The following HDHD5 variants were observed in gnomAD, a reference collection of about 807,000 sequenced individuals.
HDHD5 encodes the protein haloacid dehalogenase-like hydrolase domain-containing 5.
HDHD5 carries 34 observed loss-of-function variants against 35.5 expected under a neutral mutation model. The observed-to-expected ratio is 0.96, with a 90% CI of 0.73 to 1.28. The LOEUF (loss-of-function observed/expected upper bound fraction) is 1.28, where lower values mean the gene tolerates loss of function less well. HDHD5 is among the 50% of genes most tolerant of loss of function. The pLI, the probability that HDHD5 is intolerant of heterozygous loss-of-function variation, is 0.00. For missense variants in HDHD5, 589 were observed against 560.2 expected, an observed-to-expected ratio of 1.05 and a Z score of -0.52; for synonymous variants, 248 against 240.6, an observed-to-expected ratio of 1.03 and a Z score of -0.29.
chr22:17,163,113 G>A (rs867349553), upstream of HDHD5, among the ~76,000 whole-genome samples: 3 of 152,286 alleles, frequency 2.0e-5, no homozygotes, highest in South Asian at 4.1e-4. Flanking sequence ...ATTATGTTTT[G>A]TACCGTCTGT....
chr22:17,143,288 T>A, intron 4 of HDHD5, 157 bp from the exon 5 acceptor site: 1 of 681,212 alleles, frequency 1.5e-6, no homozygotes, highest in Non-Finnish European at 2.3e-6. Context: ...TGGAGAGGAC[T>A]GAGAAAGATG....
chr22:17,156,806 A>C (rs1227608492), intron 1 of HDHD5, among the ~76,000 whole-genome samples: 1 of 150,404 alleles, frequency 6.6e-6, no homozygotes, highest in Non-Finnish European at 1.5e-5. Flanking sequence ...CTGGCTGGGC[A>C]CGGTGGCTCA....
At chr22:17,144,960 A>G (rs1601385365) in intron 4 of HDHD5, 64 bp downstream of exon 4, 1 of 1,570,292 alleles carries the variant, frequency 6.4e-7, no homozygotes, top group Non-Finnish European at 8.7e-7. Flanking sequence ...TCAGCGACAC[A>G]GCCAATGCAG....
At position 17,159,219 on chromosome 22, in the gene HDHD5, G is replaced by A. The variant is rs1470559379; in HGVS notation, c.33C>T (p.Gly11=). The A allele has an allele frequency of 8.4e-7, 1 of 1,189,678 alleles. No individual in the cohort carries two copies. The highest frequency in any genetic ancestry group is 1.0e-6 in the Non-Finnish European group (1 of 963,306). The allele number at this position is 1,189,678 out of a possible 1,614,324, so 73.7% of individuals were successfully genotyped here. ...CCCGCCAGCAAAGCCCACGCGCCGC[G>A]CCGAGCGCAGCCACACAGCCCCACG... The part of the protein sequence containing the change: MAAWGCVAAL[G]AARGLCWRAA... Residue 11 remains glycine, a synonymous_variant, in exon 1 of 8, where the codon GGC becomes GGT. Transcript: ENST00000336737.
upstream of HDHD5, among the ~76,000 whole-genome samples, chr22:17,160,186 A>T (rs985647953): frequency 2.6e-5 from 4 of 152,102 alleles, no homozygotes; most frequent in Non-Finnish European, 4.4e-5. Flanking sequence ...GCAGAGAGGG[A>T]GTCGAGGATA....
rs554241777 is a variant in HDHD5, at chr22:17,147,641, G to A, written c.443+807C>T. 1.1e-3 allele frequency among the ~76,000 whole-genome samples: 151 copies of A among 131,754 alleles called. 2 individuals carry two copies. The highest frequency in any genetic ancestry group is 3.4e-3 in the African/African-American group (118 of 34,914). The allele number at this position is 131,754 out of a possible 152,430, so 86.4% of individuals were successfully genotyped here. On this transcript the variant is annotated intron_variant, in intron 3 of 7. Coordinates refer to ENST00000336737, the MANE Select transcript of HDHD5 (RefSeq NM_033070.3). ...TACCGGCCTTCAATCACACGCCATC[G>A]CACACGCCCCACACCTGTGGCACAC...
chr22:17,164,647 G>A (rs1417209219), intron 1 of HDHD5, among the ~76,000 whole-genome samples: 2 of 152,184 alleles, frequency 1.3e-5, no homozygotes, highest in Non-Finnish European at 2.9e-5. Context: ...CCCTACAGGT[G>A]CACTTCCAAG....
upstream of HDHD5, among the ~76,000 whole-genome samples, chr22:17,164,127 T>C (rs1245240230): frequency 6.7e-6 from 1 of 149,814 alleles, no homozygotes; most frequent in African/African-American, 2.5e-5. Flanking sequence ...AGTCCGAGGC[T>C]GGGGAATCGC....
chr22:17,153,547 G>A (rs2061752372), intron 1 of HDHD5, among the ~76,000 whole-genome samples: 1 of 152,088 alleles, frequency 6.6e-6, no homozygotes. Context: ...CTAGAATGGG[G>A]GTCCTAACCT....
At chr22:17,154,534 G>T (rs1273379297) in intron 1 of HDHD5, among the ~76,000 whole-genome samples, 4 of 151,160 alleles carry the variant, frequency 2.6e-5, no homozygotes, top group Non-Finnish European at 5.9e-5. Flanking sequence ...AAAAGGCCTA[G>T]ATTTTAAGTG....
chr22:17,139,236 G>A (rs892048942), intron 6 of HDHD5, among the ~76,000 whole-genome samples: 1 of 152,196 alleles, frequency 6.6e-6, no homozygotes, highest in Non-Finnish European at 1.5e-5. Flanking sequence ...CCTTAAAATT[G>A]GGGACAGGCG....
In HDHD5 at chr22:17,138,051, G is replaced by A; in HGVS notation, c.1242C>T (p.Val414=). The change falls in exon 8 of 8, where the codon GTC becomes GTT. Residue 414 remains valine, a synonymous_variant. Coordinates refer to ENST00000336737, the MANE Select transcript of HDHD5 (RefSeq NM_033070.3). ...CCAAAGCCCAGCCCTCCTTGCGGAAGACCAGCTGCACAGCCTCATTCACGT... is the reference window on the plus strand; with the variant it reads ...CCAAAGCCCAGCCCTCCTTGCGGAAAACCAGCTGCACAGCCTCATTCACGT... ...VNDVNEAVQL[V]FRKEGWALE is the part of the protein sequence containing the mutation. 2 of 1,613,248 alleles carry A rather than the reference G, an allele frequency of 1.2e-6. No individual in the cohort carries two copies. The highest frequency in any genetic ancestry group is 3.3e-5 in the Admixed American group (2 of 59,986).
rs748646198 is a variant in HDHD5, at chr22:17,145,013, C to G, written c.537+11G>C. 1.2e-6 allele frequency: 2 copies of G among 1,613,814 alleles called. No homozygotes were observed. The highest frequency in any genetic ancestry group is 1.7e-6 in the Non-Finnish European group (2 of 1,179,922). On this transcript the variant is annotated intron_variant, in intron 4 of 7. Coordinates refer to ENST00000336737, the MANE Select transcript of HDHD5 (RefSeq NM_033070.3). ...GGATGAAGACACAGCCCAACCCATG[C>G]TCCTTATTACCGTGGTCTTTAGCCG...
At chr22:17,149,822 C>G (rs549259795) in intron 1 of HDHD5, 77 bp from the exon 2 acceptor site, 1 of 1,289,138 alleles carries the variant, frequency 7.8e-7, no homozygotes, top group East Asian at 2.3e-5. Context: ...TCAACACCAT[C>G]CTCGGGTCAC....
rs1466332886 is a variant in HDHD5 at position 17,142,984 on chromosome 22, T to C, written c.571+114A>G. The C allele has an allele frequency of 2.9e-5, 31 of 1,051,970 alleles. No individual in the cohort carries two copies. In the Admixed American group the frequency reaches 8.7e-4, roughly 30 times the overall value. The allele number at this position is 1,051,970 out of a possible 1,614,324, so 65.2% of individuals were successfully genotyped here. A position where few individuals can be genotyped will look rare whatever the true frequency, so the allele number is the denominator to read the frequency against. On this transcript the variant is annotated intron_variant, in intron 5 of 7. Coordinates refer to ENST00000336737, the MANE Select transcript of HDHD5 (RefSeq NM_033070.3). ...CAGACCAGAGCCCAGGTGTCCTGAC[T>C]CCAAGGCCCCTTGCTGCTGAACCAG...
upstream of HDHD5, among the ~76,000 whole-genome samples, chr22:17,161,242 T>C (rs1448322352): frequency 2.2e-5 from 2 of 91,772 alleles, no homozygotes. Flanking sequence ...TGAGACTCTA[T>C]CTCAAAAAAA....
At position 17,156,733 on chromosome 22, in the gene HDHD5, G is replaced by A. The variant is rs181817118; in HGVS notation, c.126+2393C>T. Among the ~76,000 whole-genome samples, 189 of 149,324 alleles carry A rather than the reference G, an allele frequency of 1.3e-3. 1 individual carries two copies. Among genetic ancestry groups the A allele is most frequent in the African/African-American group, 4.3e-3 (175 of 40,292 alleles). ...AGAGCTTGCAGTGAGCCGAGACCAC[G>A]CCACTCCACTCCAGCCTGGGCAACA... On this transcript the variant is annotated intron_variant, in intron 1 of 7. Transcript: ENST00000336737.
chr22:17,149,562 A>C lies in HDHD5; in HGVS notation c.310T>G (p.Ser104Ala), dbSNP rs1247677329. 1.9e-6 allele frequency: 3 copies of C among 1,612,234 alleles called. No individual in the cohort carries two copies. The highest frequency in any genetic ancestry group is 2.5e-6 in the Non-Finnish European group (3 of 1,179,992). The change falls in exon 2 of 8, where the codon TCA (serine) becomes GCA (alanine). Residue 104 changes from serine to alanine, a missense_variant. Physicochemically the swap from Ser to Ala is moderately conservative, Grantham distance 99 (BLOSUM62 1). Transcript: ENST00000336737. ...CTCACCTCGCACCCCAGCAGGGCTG[A>C]CAGCTCCTGGGCTTTGCTGTGTTGT... ...ILQHSKAQEL[S>A]ALLGCEVDAD...
At chr22:17,151,790 G>A (rs4819560) in intron 1 of HDHD5, among the ~76,000 whole-genome samples, 116,999 of 149,734 alleles carry the variant, frequency 0.78, 45,985 homozygotes, top group Middle Eastern at 0.86. Context: ...GAGAAAAGGC[G>A]CTCCAGTACC....
Sources: gnomAD v4.1 joint callset for allele counts (sites outside exome capture counted in the v4.1 genomes callset) on GRCh38, gnomAD v4.1.1 for gene constraint, MANE v1.5 for transcripts, NCBI Gene and HGNC (gene_info 2026-07-23, HGNC 2026-07-21) for gene names.